Variants in APBA1 observed in about 807,000 individuals in gnomAD.
APBA1 encodes amyloid beta precursor protein binding family A member 1, also known as amyloid-beta A4 precursor protein-binding family A member 1.
APBA1 carries 55 observed loss-of-function variants against 86.6 expected under a neutral mutation model. The ratio of observed to expected loss-of-function variants is 0.64; its 90% confidence interval spans 0.51 to 0.80. The LOEUF is 0.80. APBA1 is among the 30% of genes least tolerant of loss of function. The pLI is 0.00. For synonymous variants in APBA1, 511 were observed against 493.9 expected, an observed-to-expected ratio of 1.03 and a Z score of -0.46; for missense variants, 1,090 against 1,183.0, an observed-to-expected ratio of 0.92 and a Z score of 1.15.
At chr9:69,549,559 A>C (rs1178035179) in intron 1 of APBA1, among the ~76,000 whole-genome samples, 1 of 152,148 alleles carries the variant, frequency 6.6e-6, no homozygotes, top group African/African-American at 2.4e-5. Context: ...TTAACTCTCA[A>C]GTTCGTCTAC....
At chr9:69,643,315 C>T (rs1823325633) in intron 1 of APBA1, among the ~76,000 whole-genome samples, 1 of 152,192 alleles carries the variant, frequency 6.6e-6, no homozygotes, top group South Asian at 2.1e-4. Context: ...CTCTTTTCCA[C>T]ACCTCTCTCC....
rs549744699 is a variant in APBA1, at chr9:69,440,881, G to A, written c.2301+115C>T. On this transcript the variant is annotated intron_variant, in intron 11 of 12. Coordinates refer to ENST00000265381, the MANE Select transcript of APBA1 (RefSeq NM_001163.4). ...ACCCGTCTTCTGCATCACTCACGCT[G>A]GGAGTTGTAGACTGGAGCTGTTCCT... is the stretch of plus-strand genomic sequence containing the variant. The A allele has an allele frequency of 1.3e-5, 17 of 1,297,850 alleles. No individual in the cohort carries two copies. The African/African-American group carries it at 2.5e-4, about 19-fold the overall frequency. The allele number at this position is 1,297,850 out of a possible 1,614,324, so 80.4% of individuals were successfully genotyped here.
At chr9:69,600,956 A>C (rs534173016) in intron 1 of APBA1, among the ~76,000 whole-genome samples, 2 of 152,090 alleles carry the variant, frequency 1.3e-5, no homozygotes, top group South Asian at 4.1e-4. Flanking sequence ...AACACACAAT[A>C]AAAAATTCAC....
intron 1 of APBA1, among the ~76,000 whole-genome samples, chr9:69,662,148 T>C (rs529454104): frequency 6.6e-6 from 1 of 152,010 alleles, no homozygotes; most frequent in South Asian, 2.1e-4. Context: ...GAGGACAGAA[T>C]AGACTCCAGG....
intron 1 of APBA1, among the ~76,000 whole-genome samples, chr9:69,530,721 A>G (rs185994175): frequency 1.4e-3 from 209 of 152,318 alleles, no homozygotes; most frequent in Middle Eastern, 3.4e-3. Flanking sequence ...TCTAAAATAT[A>G]ATTTTTTTAA....
At chr9:69,572,729 A>G (rs1263552379) in intron 1 of APBA1, among the ~76,000 whole-genome samples, 1 of 151,980 alleles carries the variant, frequency 6.6e-6, no homozygotes, top group East Asian at 1.9e-4. Context: ...CTTCCACTAA[A>G]CTGAAAACTC....
At chr9:69,482,925 C>T (rs1223261860) in intron 2 of APBA1, among the ~76,000 whole-genome samples, 3 of 132,122 alleles carry the variant, frequency 2.3e-5, no homozygotes, top group African/African-American at 5.8e-5. Flanking sequence ...ACAATGAGAT[C>T]GCATGGACAC....
intron 1 of APBA1, among the ~76,000 whole-genome samples, chr9:69,592,661 C>A (rs1822153222): frequency 1.3e-5 from 2 of 152,152 alleles, no homozygotes; most frequent in African/African-American, 2.4e-5. Flanking sequence ...AAATGACAGT[C>A]TTTCCTATGC....
At chr9:69,577,692 T>C (rs539581290) in intron 1 of APBA1, among the ~76,000 whole-genome samples, 16 of 152,298 alleles carry the variant, frequency 1.1e-4, no homozygotes, top group African/African-American at 2.6e-4. Context: ...TTCATATAAA[T>C]GGAATATGAC....
At position 69,429,405 on chromosome 9, in the gene APBA1, C is replaced by T. The variant is rs1453863127; in HGVS notation, c.*1922G>A. 2 of 152,198 alleles carry T rather than the reference C, an allele frequency of 1.3e-5. No individual in the cohort carries two copies. Among genetic ancestry groups the T allele is most frequent in the African/African-American group, 4.8e-5 (2 of 41,452 alleles). 9.4% of individuals were successfully genotyped at this position (152,198 alleles called of 1,614,324 possible). Reference sequence around the variant, plus strand: ...CTGTAAAGCATCCTTCAAAGAAGTCCTGGGGAGCTTTACGGACCATCCCAG... The same window carrying T: ...CTGTAAAGCATCCTTCAAAGAAGTCTTGGGGAGCTTTACGGACCATCCCAG... On this transcript the variant is annotated 3_prime_UTR_variant, in exon 13 of 13. Transcript: ENST00000265381.
chr9:69,616,067 A>G (rs1178038479), intron 1 of APBA1, among the ~76,000 whole-genome samples: 2 of 152,196 alleles, frequency 1.3e-5, no homozygotes, highest in Admixed American at 1.3e-4. Flanking sequence ...ACGTAATTGC[A>G]GTTTCACAAC....
At chr9:69,467,695 A>T in intron 5 of APBA1, 128 bp downstream of exon 5, 1 of 1,288,574 alleles carries the variant, frequency 7.8e-7, no homozygotes, top group Admixed American at 2.2e-5. Context: ...ATGGATAAGC[A>T]CTGCCTGTGT....
intron 1 of APBA1, among the ~76,000 whole-genome samples, chr9:69,523,517 A>G (rs528082653): frequency 2.2e-4 from 13 of 60,190 alleles, no homozygotes; most frequent in Admixed American, 1.5e-3. Flanking sequence ...ATATATATAT[A>G]TATATATATA....
At chr9:69,629,340 T>C (rs1219079909) in intron 1 of APBA1, among the ~76,000 whole-genome samples, 1 of 152,216 alleles carries the variant, frequency 6.6e-6, no homozygotes, top group Non-Finnish European at 1.5e-5. Flanking sequence ...TTATATATGC[T>C]ACAGGTTTAA....
In APBA1 at chr9:69,516,571, G is replaced by A; in HGVS notation, c.640C>T (p.Arg214Trp). The stretch of plus-strand genomic sequence containing the variant: ...TCGTCGCGCTCCTGCTCGTAGAGCC[G>A]CAGGCCGTCGCGTGCGTCCAGCTCG... Reference protein sequence around the residue: ...APELDARDGLRLYEQERDEAA... With the variant: ...APELDARDGLWLYEQERDEAA... The change falls in exon 2 of 13, where the codon CGG becomes TGG. Residue 214 changes from arginine to tryptophan, a missense_variant. This residue lies in a region of APBA1 where 678 missense variants were observed against 647.1 expected (regional missense o/e 1.05). Transcript: ENST00000265381. The surrounding 1 kb of genome is among the most constrained non-coding windows in gnomAD (Gnocchi z 7.3). 6.2e-7 allele frequency: 1 copy of A among 1,600,532 alleles called. No homozygotes were observed. Among genetic ancestry groups the A allele is most frequent in the Non-Finnish European group, 8.5e-7 (1 of 1,178,628 alleles).
chr9:69,569,504 T>C (rs551442278), intron 1 of APBA1, among the ~76,000 whole-genome samples: 8 of 151,034 alleles, frequency 5.3e-5, no homozygotes, highest in African/African-American at 1.9e-4. Context: ...TGGCATCTAG[T>C]GAGTAGAAGC....
At chr9:69,626,902 G>GA (rs11380646) in intron 1 of APBA1, among the ~76,000 whole-genome samples, 16,919 of 120,216 alleles carry the variant, frequency 0.14, 1,600 homozygotes, top group African/African-American at 0.3. Flanking sequence ...AGCACCTACA[G>GA]AAAAAAAAAA....
At chr9:69,451,670 G>T (rs1425755140) in intron 9 of APBA1, among the ~76,000 whole-genome samples, 12 of 152,096 alleles carry the variant, frequency 7.9e-5, no homozygotes, top group Admixed American at 5.2e-4. Context: ...TTCCTGAATA[G>T]CTCAGTTTGA....
rs72717121 is a variant in APBA1 at position 69,474,529 on chromosome 9, C to T, written c.1296+1519G>A. ...GCTCATGACTGTTATCATCAGGGCA[C>T]CTGTCCTTCTTTTCTTCTTACTATT... is the stretch of plus-strand genomic sequence containing the variant. On this transcript the variant is annotated intron_variant, in intron 3 of 12. Transcript: ENST00000265381. 7.0e-3 allele frequency among the ~76,000 whole-genome samples: 1,067 copies of T among 152,314 alleles called. 7 individuals carry two copies. Among genetic ancestry groups the T allele is most frequent in the Non-Finnish European group, 0.012 (819 of 68,026 alleles).
Sources: gnomAD v4.1 joint callset for allele counts (sites outside exome capture counted in the v4.1 genomes callset) on GRCh38, gnomAD v4.1.1 for gene constraint, gnomAD v4.1.1 regional missense constraint, Gnocchi (gnomAD v3.1) non-coding constraint, MANE v1.5 for transcripts, NCBI Gene and HGNC (gene_info 2026-07-23, HGNC 2026-07-21) for gene names.